The following PRKCSH variants were observed in gnomAD, a reference collection of about 807,000 sequenced individuals.
PRKCSH encodes the protein glucosidase 2 subunit beta.
In PRKCSH, 42 loss-of-function variants were observed where a neutral mutation model predicts 79.7. The ratio of observed to expected loss-of-function variants is 0.53; its 90% CI spans 0.41 to 0.68. The LOEUF (loss-of-function observed/expected upper bound fraction) is 0.68, where lower values mean the gene tolerates loss of function less well. PRKCSH is among the 30% of genes least tolerant of loss of function. The pLI is 0.00. For synonymous variants in PRKCSH, 325 were observed against 288.2 expected (o/e 1.13, Z -1.29); for missense variants, 686 against 709.0 (o/e 0.97, Z 0.37).
intron 6 of PRKCSH, among the ~76,000 whole-genome samples, chr19:11,441,978 TGGA>T (rs1277391699): frequency 6.6e-6 from 1 of 152,224 alleles, no homozygotes; most frequent in Non-Finnish European, 1.5e-5. Flanking sequence ...GAAGGCTTCT[TGGA>T]GGAGGAGGCC....
chr19:11,437,818 T>C, intron 3 of PRKCSH, 58 bp from the exon 4 acceptor site: 1 of 1,408,280 alleles, frequency 7.1e-7, no homozygotes, highest in Non-Finnish European at 1.0e-6. Context: ...TGTGGATGGA[T>C]GGGACATGTC....
chr19:11,436,528 C>A, intron 3 of PRKCSH, 23 bp downstream of exon 3: 1 of 1,561,992 alleles, frequency 6.4e-7, no homozygotes, highest in Non-Finnish European at 8.8e-7. Flanking sequence ...TCTGTTCATC[C>A]ATCAGATGTT....
In PRKCSH at chr19:11,447,785, C is replaced by G. The variant is rs751499412; in HGVS notation, c.1122C>G (p.Ile374Met). ...ACGACGAGCAGACGCAGGCCTTCAT[C>G]GATGGTGAGGGTGGGCGGGGGCCAG... ...PPYDEQTQAF[I>M]DAAQEARNKF... Residue 374 changes from isoleucine to methionine, a missense_variant, in exon 12 of 18, where the codon ATC becomes ATG. Physicochemically the swap from Ile to Met is conservative, Grantham distance 10. Around this residue, in one of 2 missense-constraint regions of PRKCSH, gnomAD observed 549 missense variants for 520.2 expected, o/e 1.06. Transcript: ENST00000677123. This position sits in a 1 kb window ranked among gnomAD's most constrained non-coding sequence, Gnocchi z 5.6. The G allele has an allele frequency of 5.7e-5, 89 of 1,574,118 alleles. No homozygotes were observed. The highest frequency in any genetic ancestry group is 7.1e-5 in the Non-Finnish European group (83 of 1,161,238).
chr19:11,436,060 TC>T lies in PRKCSH; in HGVS notation c.-54del. On this transcript the variant is annotated 5_prime_UTR_variant, in exon 2 of 18. Coordinates refer to ENST00000677123, the MANE Select transcript of PRKCSH (RefSeq NM_001289104.2). ...CTGCAGCGTGAAGACACAGCGCATC[TC>T]CCCGCTGTAGGCTTCCTCCCACAGA... 1 of 1,591,354 alleles carries T rather than the reference TC, an allele frequency of 6.3e-7. No homozygotes were observed.
chr19:11,438,671 C>T (rs1384480164), intron 5 of PRKCSH, among the ~76,000 whole-genome samples: 4 of 150,532 alleles, frequency 2.7e-5, no homozygotes, highest in South Asian at 2.1e-4. Flanking sequence ...AGGTGAGTGG[C>T]GTGAACACGG....
chr19:11,448,398 G>A lies in PRKCSH; in HGVS notation c.1196+107G>A. On this transcript the variant is annotated intron_variant, in intron 13 of 17. Transcript: ENST00000677123. The surrounding 1 kb of genome is among the most constrained non-coding windows in gnomAD (Gnocchi z 4.4). Reference sequence around the variant, plus strand: ...CTGAGGCAACCACAGGCTGGGCCTGGTCCCTGCAGGGAGGGTCCCTGGGAG... The same window carrying A: ...CTGAGGCAACCACAGGCTGGGCCTGATCCCTGCAGGGAGGGTCCCTGGGAG... 1.4e-6 allele frequency: 2 copies of A among 1,478,630 alleles called. No homozygotes were observed. The highest frequency in any genetic ancestry group is 9.3e-7 in the Non-Finnish European group (1 of 1,074,868). The allele number at this position is 1,478,630 out of a possible 1,614,324, so 91.6% of individuals were successfully genotyped here. A position where few individuals can be genotyped will look rare whatever the true frequency, so the allele number is the denominator to read the frequency against.
At position 11,449,497 on chromosome 19, in the gene PRKCSH, G is replaced by T; in HGVS notation, c.*16+69G>T. The T allele has an allele frequency of 6.3e-7, 1 of 1,588,976 alleles. No individual in the cohort carries two copies. ...GAGGCGGCGGGCCCTGAGGAAGATG[G>T]ACCCACATGGCCACTCTATCAACCT... On this transcript the variant is annotated intron_variant, in intron 17 of 17. Coordinates refer to ENST00000677123, the MANE Select transcript of PRKCSH (RefSeq NM_001289104.2). The surrounding 1 kb of genome is among the most constrained non-coding windows in gnomAD (Gnocchi z 6.4).
chr19:11,446,493 G>A (rs1970306503), intron 9 of PRKCSH, 143 bp downstream of exon 9: 1 of 973,432 alleles, frequency 1.0e-6, no homozygotes, highest in Non-Finnish European at 1.6e-6. Flanking sequence ...GCCACTCAGG[G>A]CCGCTTCCCG....
chr19:11,441,599 G>A (rs1970066004), intron 6 of PRKCSH, among the ~76,000 whole-genome samples: 1 of 152,188 alleles, frequency 6.6e-6, no homozygotes, highest in South Asian at 2.1e-4. Context: ...ACTAAAGCAG[G>A]CTGGAAGGGC....
intron 6 of PRKCSH, 36 bp downstream of exon 6, chr19:11,441,393 G>T: frequency 6.3e-7 from 1 of 1,594,122 alleles, no homozygotes; most frequent in South Asian, 1.1e-5. Context: ...AGGGTGATCT[G>T]GGCCTTGAGG....
At chr19:11,436,822 G>C (rs112592623) in intron 3 of PRKCSH, 103 of 390,092 alleles carry the variant, frequency 2.6e-4, no homozygotes, top group African/African-American at 1.9e-3. Flanking sequence ...GAGCAATCCA[G>C]CAGGAGACAG....
At position 11,448,219 on chromosome 19, in the gene PRKCSH, C is replaced by T. The variant is rs1422168978; in HGVS notation, c.1127-3C>T. 6.4e-7 allele frequency: 1 copy of T among 1,556,860 alleles called. No individual in the cohort carries two copies. Among genetic ancestry groups the T allele is most frequent in the South Asian group, 1.2e-5 (1 of 84,378 alleles). On this transcript the variant is annotated splice_polypyrimidine_tract_variant and splice_region_variant and intron_variant, in intron 12 of 17. Transcript: ENST00000677123. This position sits in a 1 kb window ranked among gnomAD's most constrained non-coding sequence, Gnocchi z 4.4. ...CATCTCTGACCTCCAACCCCTCTCC[C>T]AGCTGCCCAGGAGGCCCGCAACAAG...
chr19:11,439,056 C>G (rs534301965), intron 5 of PRKCSH, among the ~76,000 whole-genome samples: 6 of 152,028 alleles, frequency 3.9e-5, no homozygotes, highest in African/African-American at 1.4e-4. Context: ...TACAGGCGTA[C>G]CCCCACCACG....
In PRKCSH at chr19:11,449,152, C is replaced by T; in HGVS notation, c.1438C>T (p.Gln480Ter). 1 of 1,613,788 alleles carries T rather than the reference C, an allele frequency of 6.2e-7. No individual in the cohort carries two copies. Among genetic ancestry groups the T allele is most frequent in the Non-Finnish European group, 8.5e-7 (1 of 1,180,032 alleles). The change falls in exon 16 of 18, where the codon CAG (glutamine) becomes TAG (stop). Residue 480 changes from glutamine (Q) to a stop codon, truncating the protein, a stop_gained. Coordinates refer to ENST00000677123, the MANE Select transcript of PRKCSH (RefSeq NM_001289104.2). LOFTEE classifies it high-confidence loss of function. The surrounding 1 kb of genome is among the most constrained non-coding windows in gnomAD (Gnocchi z 6.4). ...GTATGAGCAAGGCACGGGCTGCTGG[C>T]AGGGCCCCAACCGCTCCACCACCGT... ...MKYEQGTGCW[Q>*]GPNRSTTVRL... is the part of the protein sequence containing the mutation.
At position 11,435,697 on chromosome 19, in the gene PRKCSH, C is replaced by T. The variant is rs913425042; in HGVS notation, c.-87C>T. On this transcript the variant is annotated 5_prime_UTR_variant, in exon 1 of 18. Coordinates refer to ENST00000677123, the MANE Select transcript of PRKCSH (RefSeq NM_001289104.2). Reference sequence around the variant, plus strand: ...GGTGCGGTGGATACTGACCTTTGCTCCGGCCTCGTGTAGGTGTGAACGAGC... The same window carrying T: ...GGTGCGGTGGATACTGACCTTTGCTTCGGCCTCGTGTAGGTGTGAACGAGC... 7 of 1,314,144 alleles carry T rather than the reference C, an allele frequency of 5.3e-6. No individual in the cohort carries two copies. The highest frequency in any genetic ancestry group is 7.0e-6 in the Non-Finnish European group (7 of 1,006,030). The allele number at this position is 1,314,144 out of a possible 1,614,324, so 81.4% of individuals were successfully genotyped here. A position where few individuals can be genotyped will look rare whatever the true frequency, so the allele number is the denominator to read the frequency against.
At chr19:11,436,298 A>G (rs1210355627) in intron 2 of PRKCSH, 91 bp from the exon 3 acceptor site, 1 of 1,579,142 alleles carries the variant, frequency 6.3e-7, no homozygotes, top group Non-Finnish European at 8.7e-7. Context: ...GTTTCCCGGT[A>G]GTGCTCCGCT....
At chr19:11,440,570 C>G (rs1003112219) in intron 5 of PRKCSH, among the ~76,000 whole-genome samples, 1 of 152,030 alleles carries the variant, frequency 6.6e-6, no homozygotes, top group Admixed American at 6.6e-5. Flanking sequence ...CTCAGCCTCC[C>G]GTGTAGCTGG....
chr19:11,443,236 A>C (rs796826017), intron 7 of PRKCSH, among the ~76,000 whole-genome samples: 4 of 150,582 alleles, frequency 2.7e-5, no homozygotes, highest in African/African-American at 9.8e-5. Context: ...AACATGGTGA[A>C]ACGCCATCTC....
intron 17 of PRKCSH, 100 bp from the exon 18 acceptor site, chr19:11,450,546 G>C (rs142973923): frequency 1.6e-4 from 24 of 152,080 alleles, no homozygotes; most frequent in Admixed American, 3.3e-4. Flanking sequence ...GGCCTCAAAT[G>C]ATCCTCCCAC....
Sources: allele counts gnomAD v4.1 joint callset (sites outside exome capture counted in the v4.1 genomes callset), GRCh38; gene constraint gnomAD v4.1.1; regional missense constraint gnomAD v4.1.1; non-coding constraint Gnocchi (gnomAD v3.1); transcripts MANE v1.5; gene names NCBI Gene and HGNC (gene_info 2026-07-23, HGNC 2026-07-21).